TMEM178B: variants seen among roughly 807,000 people sequenced by gnomAD.
TMEM178B encodes transmembrane protein 178B.
A neutral mutation model predicts 31.0 loss-of-function variants in TMEM178B; 5 were observed. That is an observed-to-expected ratio of 0.16 (90% CI 0.08 to 0.34). The LOEUF (loss-of-function observed/expected upper bound fraction) is 0.34, where lower values mean the gene tolerates loss of function less well. Ranked by LOEUF, TMEM178B falls within the 10% of genes least tolerant of loss-of-function variation. The pLI, the probability that TMEM178B is intolerant of heterozygous loss-of-function variation, is 1.00. For synonymous variants in TMEM178B, 164 were observed against 164.0 expected (o/e 1.00, Z 0.00); for missense variants, 275 against 400.3 (o/e 0.69, Z 2.67).
chr7:141,432,146 CTTTTTTTTTTTTTTTTT>C (rs71170797), intron 2 of TMEM178B, among the ~76,000 whole-genome samples: 55 of 79,090 alleles, frequency 7.0e-4, no homozygotes, highest in Middle Eastern at 7.5e-3. Flanking sequence ...TTCACTGCAT[CTTTTTTTTTTTTTTTTT>C]TTTTTTTTTT....
intron 1 of TMEM178B, among the ~76,000 whole-genome samples, chr7:141,120,099 G>T (rs1356128624): frequency 6.6e-6 from 1 of 152,182 alleles, no homozygotes; most frequent in African/African-American, 2.4e-5. Flanking sequence ...AGCATTGAGG[G>T]ATCTGGCTTA....
chr7:141,443,906 A>G (rs542390459), intron 3 of TMEM178B, among the ~76,000 whole-genome samples: 23 of 152,192 alleles, frequency 1.5e-4, no homozygotes, highest in Non-Finnish European at 2.8e-4. Flanking sequence ...ATCCAATACT[A>G]CCTTCTTTTG....
In TMEM178B at chr7:141,281,131, G is replaced by A. The variant is rs550078170; in HGVS notation, c.496+68427G>A. On this transcript the variant is annotated intron_variant, in intron 2 of 3. Coordinates refer to ENST00000565468, the MANE Select transcript of TMEM178B (RefSeq NM_001195278.2). ...TTTGGATTCAAGGCACCCTGTTACC[G>A]GAGAGCCTGTGATAACTCCAGCTAT... is the stretch of plus-strand genomic sequence containing the variant. 4.3e-4 allele frequency among the ~76,000 whole-genome samples: 65 copies of A among 152,088 alleles called. No individual in the cohort carries two copies. The South Asian group carries it at 0.012, about 27-fold the overall frequency.
chr7:141,160,275 T>C (rs1388436093), intron 1 of TMEM178B, among the ~76,000 whole-genome samples: 1 of 152,042 alleles, frequency 6.6e-6, no homozygotes, highest in Non-Finnish European at 1.5e-5. Context: ...AATTTCAAGC[T>C]GTCTATATCT....
chr7:141,337,125 CCAT>C (rs1799425017), intron 2 of TMEM178B, among the ~76,000 whole-genome samples: 2 of 63,286 alleles, frequency 3.2e-5, no homozygotes, highest in Non-Finnish European at 2.9e-5. Flanking sequence ...ACCATCACCA[CCAT>C]CACCACCACC....
chr7:141,309,505 A>G (rs1798872458), intron 2 of TMEM178B, among the ~76,000 whole-genome samples: 1 of 152,146 alleles, frequency 6.6e-6, no homozygotes, highest in Non-Finnish European at 1.5e-5. Context: ...TTTGGTGAAT[A>G]TTCTTCTGGT....
At chr7:141,324,874 G>A (rs75582319) in intron 2 of TMEM178B, among the ~76,000 whole-genome samples, 5 of 152,084 alleles carry the variant, frequency 3.3e-5, no homozygotes, top group South Asian at 4.2e-4. Context: ...TTTTGTTTCC[G>A]AAACCATGAT....
At chr7:141,385,683 T>G (rs1800418800) in intron 2 of TMEM178B, among the ~76,000 whole-genome samples, 1 of 152,230 alleles carries the variant, frequency 6.6e-6, no homozygotes, top group Non-Finnish European at 1.5e-5. Flanking sequence ...CAGCCATGTT[T>G]CAAGACATAA....
At chr7:141,126,641 A>T (rs534650673) in intron 1 of TMEM178B, among the ~76,000 whole-genome samples, 3 of 152,226 alleles carry the variant, frequency 2.0e-5, no homozygotes, top group African/African-American at 7.2e-5. Context: ...ATGCTTTTTG[A>T]TCAGGGGAAT....
chr7:141,288,936 G>A (rs1438396822), intron 2 of TMEM178B, among the ~76,000 whole-genome samples: 1 of 152,136 alleles, frequency 6.6e-6, no homozygotes, highest in Non-Finnish European at 1.5e-5. Flanking sequence ...TGGGCTAACA[G>A]CCTTGGCTTT....
rs1035287065 is a variant in TMEM178B, at chr7:141,458,539, T to C, written c.635-11997T>C. On this transcript the variant is annotated intron_variant, in intron 3 of 3. Transcript: ENST00000565468. ...TTCCTCTGTTCTCTGTTGAGAGCAG[T>C]TGCTCCCCAGAGTAGCATTTACAAA... Among the ~76,000 whole-genome samples the C allele has an allele frequency of 4.6e-5, 7 of 152,132 alleles. No individual in the cohort carries two copies. In the South Asian group the frequency reaches 1.5e-3, roughly 32 times the overall value.
chr7:141,207,212 T>C (rs564659392), intron 1 of TMEM178B, among the ~76,000 whole-genome samples: 58 of 152,334 alleles, frequency 3.8e-4, no homozygotes, highest in African/African-American at 1.4e-3. Context: ...GATGGACATT[T>C]AGGTTGCTTG....
At chr7:141,134,972 A>T (rs937755536) in intron 1 of TMEM178B, among the ~76,000 whole-genome samples, 17 of 152,170 alleles carry the variant, frequency 1.1e-4, no homozygotes, top group African/African-American at 4.1e-4. Context: ...TGTTCTTGTG[A>T]TAGTGAATGA....
chr7:141,286,825 C>T (rs376974973), intron 2 of TMEM178B, among the ~76,000 whole-genome samples: 5 of 152,132 alleles, frequency 3.3e-5, no homozygotes, highest in African/African-American at 9.7e-5. Context: ...ATCAGGCCAA[C>T]GTTAGAGACT....
chr7:141,319,712 G>A (rs6944006), intron 2 of TMEM178B, among the ~76,000 whole-genome samples: 49,488 of 151,972 alleles, frequency 0.33, 10,271 homozygotes, highest in African/African-American at 0.58. Flanking sequence ...TAATTTTGGT[G>A]TTTTTAGTAG....
At chr7:141,087,419 G>T (rs1027368351) in intron 1 of TMEM178B, among the ~76,000 whole-genome samples, 1 of 152,122 alleles carries the variant, frequency 6.6e-6, no homozygotes, top group African/African-American at 2.4e-5. Context: ...ATTTCCTGCT[G>T]CTTGTGGAGA....
chr7:141,216,479 GT>G, intron 2 of TMEM178B, among the ~76,000 whole-genome samples: 1 of 142,694 alleles, frequency 7.0e-6, no homozygotes. Flanking sequence ...GTGTGTGGGT[GT>G]GTGGTGGGGA....
intron 2 of TMEM178B, among the ~76,000 whole-genome samples, chr7:141,346,531 A>T (rs942477887): frequency 2.6e-5 from 4 of 152,154 alleles, no homozygotes; most frequent in African/African-American, 9.7e-5. Context: ...TATAAGTATC[A>T]TGTGCCCTTA....
chr7:141,289,171 C>T (rs891436733), intron 2 of TMEM178B, among the ~76,000 whole-genome samples: 1 of 152,154 alleles, frequency 6.6e-6, no homozygotes, highest in African/African-American at 2.4e-5. Context: ...GGAACACATG[C>T]CTTTGCCAAG....
Sources: allele counts gnomAD v4.1 joint callset (sites outside exome capture counted in the v4.1 genomes callset), GRCh38; gene constraint gnomAD v4.1.1; transcripts MANE v1.5; gene names NCBI Gene and HGNC (gene_info 2026-07-23, HGNC 2026-07-21).